ZRANB3: variants seen among roughly 807,000 people sequenced by gnomAD.
ZRANB3 encodes the protein zinc finger RANBP2-type containing 3, also known as DNA annealing helicase and endonuclease ZRANB3.
ZRANB3 carries 125 observed loss-of-function variants against 133.8 expected under a neutral mutation model. That is an observed-to-expected ratio of 0.93 (90% CI 0.81 to 1.08). The LOEUF (loss-of-function observed/expected upper bound fraction) is 1.08. Ranked by LOEUF, ZRANB3 falls within the 50% of genes least tolerant of loss-of-function variation. The probability of loss-of-function intolerance (pLI) is 0.00; values close to 1 mark genes in which losing one functional copy is unlikely to be tolerated. For synonymous variants in ZRANB3, 387 were observed against 432.7 expected, an observed-to-expected ratio of 0.89 and a Z score of 1.31; for missense variants, 1,229 against 1,275.5, an observed-to-expected ratio of 0.96 and a Z score of 0.56.
At chr2:135,414,726 T>TA (rs1453472271) in intron 2 of ZRANB3, among the ~76,000 whole-genome samples, 6 of 152,032 alleles carry the variant, frequency 3.9e-5, no homozygotes, top group African/African-American at 1.4e-4. Flanking sequence ...TCAGCAAATG[T>TA]AAAAGAACAG....
intron 6 of ZRANB3, among the ~76,000 whole-genome samples, chr2:135,335,245 A>G (rs1468358804): frequency 1.3e-5 from 2 of 152,178 alleles, no homozygotes; most frequent in Non-Finnish European, 2.9e-5. Context: ...TCAATGACAA[A>G]TAACATTTTA....
intron 15 of ZRANB3, among the ~76,000 whole-genome samples, chr2:135,224,136 C>T (rs1015968933): frequency 1.3e-5 from 2 of 152,052 alleles, no homozygotes; most frequent in African/African-American, 4.8e-5. Flanking sequence ...ATGGGGTATA[C>T]CACATTTTAC....
At chr2:135,241,825 T>C (rs1414949068) in intron 12 of ZRANB3, among the ~76,000 whole-genome samples, 2 of 152,088 alleles carry the variant, frequency 1.3e-5, no homozygotes, top group African/African-American at 4.8e-5. Context: ...CTTTTAGAAA[T>C]GTATGAGAAC....
intron 5 of ZRANB3, among the ~76,000 whole-genome samples, chr2:135,348,723 TA>T (rs1398442654): frequency 1.3e-5 from 2 of 151,958 alleles, no homozygotes; most frequent in Admixed American, 6.6e-5. Context: ...GCCTCCCGGG[TA>T]GCTAAACTAC....
At chr2:135,381,740 A>G (rs1316944260) in intron 3 of ZRANB3, among the ~76,000 whole-genome samples, 1 of 152,202 alleles carries the variant, frequency 6.6e-6, no homozygotes, top group Non-Finnish European at 1.5e-5. Context: ...ACCAGTCTGG[A>G]GTGGACCTCC....
intron 8 of ZRANB3, among the ~76,000 whole-genome samples, chr2:135,299,202 G>A (rs551619678): frequency 9.2e-5 from 14 of 152,250 alleles, no homozygotes; most frequent in African/African-American, 3.4e-4. Context: ...GGCTTGGAGT[G>A]TGGTTCTCAG....
intron 3 of ZRANB3, among the ~76,000 whole-genome samples, chr2:135,356,891 G>A (rs1685462140): frequency 6.6e-6 from 1 of 151,826 alleles, no homozygotes; most frequent in Non-Finnish European, 1.5e-5. Context: ...TACTTTTTGG[G>A]CAGGCTGGTC....
chr2:135,295,345 C>T (rs1043949482), intron 8 of ZRANB3, among the ~76,000 whole-genome samples: 3 of 152,054 alleles, frequency 2.0e-5, no homozygotes, highest in African/African-American at 4.8e-5. Flanking sequence ...CCTTCTTTGT[C>T]TCTTTTGATC....
chr2:135,297,241 G>A lies in ZRANB3; in HGVS notation c.966+16248C>T, dbSNP rs539430115. On this transcript the variant is annotated intron_variant, in intron 8 of 20. Transcript: ENST00000264159. ...GGGCTCCACCGAGTTCGAGCTTCCC[G>A]GCCACTTTGTTTACCTACTGAAGCC... 1.6e-3 allele frequency among the ~76,000 whole-genome samples: 242 copies of A among 152,276 alleles called. 1 individual carries two copies. Among genetic ancestry groups the A allele is most frequent in the African/African-American group, 4.2e-3 (173 of 41,562 alleles).
chr2:135,519,263 G>A (rs893631702), intron 1 of ZRANB3, among the ~76,000 whole-genome samples: 1 of 152,014 alleles, frequency 6.6e-6, no homozygotes, highest in Admixed American at 6.6e-5. Flanking sequence ...CTAGGGAAAG[G>A]TCCACAGTAT....
intron 1 of ZRANB3, among the ~76,000 whole-genome samples, chr2:135,512,303 A>T (rs1401047158): frequency 6.6e-6 from 1 of 152,210 alleles, no homozygotes. Flanking sequence ...GAATTCACTG[A>T]CTCATTTAAG....
At chr2:135,526,825 T>G (rs946686566) in intron 1 of ZRANB3, among the ~76,000 whole-genome samples, 2 of 152,220 alleles carry the variant, frequency 1.3e-5, no homozygotes, top group African/African-American at 4.8e-5. Flanking sequence ...CTCTGAAGTC[T>G]GCTATCTAAG....
intron 3 of ZRANB3, among the ~76,000 whole-genome samples, chr2:135,386,594 A>C (rs1479756788): frequency 6.6e-6 from 1 of 152,184 alleles, no homozygotes; most frequent in Non-Finnish European, 1.5e-5. Context: ...AACCAACCCA[A>C]ATGTCCATCA....
chr2:135,229,557 C>T (rs1182556802), intron 13 of ZRANB3, among the ~76,000 whole-genome samples: 7 of 151,698 alleles, frequency 4.6e-5, no homozygotes, highest in African/African-American at 7.3e-5. Flanking sequence ...TTAGTAGAGA[C>T]GGGGTTTCAC....
At chr2:135,429,914 G>T (rs531515347) in intron 2 of ZRANB3, among the ~76,000 whole-genome samples, 1 of 152,206 alleles carries the variant, frequency 6.6e-6, no homozygotes, top group Non-Finnish European at 1.5e-5. Flanking sequence ...TGGGCCTGGT[G>T]TCTTATGTCT....
At position 135,504,403 on chromosome 2, in the gene ZRANB3, C is replaced by CA; in HGVS notation, c.86dup (p.Leu29PhefsTer3). 6.2e-7 allele frequency: 1 copy of CA among 1,613,386 alleles called. No homozygotes were observed. The highest frequency in any genetic ancestry group is 8.5e-7 in the Non-Finnish European group (1 of 1,179,680). ...GTAGCTTTGCTCTTAGTCTGTCAGG[C>CA]AAAAAATCCAGCAGATTATCAGATT... On this transcript the variant is annotated frameshift_variant, in exon 2 of 21. Coordinates refer to ENST00000264159, the MANE Select transcript of ZRANB3 (RefSeq NM_032143.4). LOFTEE classifies it high-confidence loss of function.
At chr2:135,261,581 A>C (rs1189640302) in intron 12 of ZRANB3, among the ~76,000 whole-genome samples, 1 of 152,242 alleles carries the variant, frequency 6.6e-6, no homozygotes, top group East Asian at 1.9e-4. Flanking sequence ...ACACATACCT[A>C]ACTCAAGAAA....
chr2:135,426,768 C>G (rs1271129215), intron 2 of ZRANB3, among the ~76,000 whole-genome samples: 8 of 131,324 alleles, frequency 6.1e-5, no homozygotes, highest in Admixed American at 3.3e-4. Flanking sequence ...GGAGGCGGAG[C>G]TTGCAGCGAG....
intron 12 of ZRANB3, among the ~76,000 whole-genome samples, chr2:135,233,919 A>C (rs1573725622): frequency 1.3e-5 from 2 of 152,240 alleles, no homozygotes; most frequent in East Asian, 3.8e-4. Context: ...CATCATAATG[A>C]CAGGATCAAA....
Sources: allele counts gnomAD v4.1 joint callset (sites outside exome capture counted in the v4.1 genomes callset), GRCh38; gene constraint gnomAD v4.1.1; transcripts MANE v1.5; gene names NCBI Gene and HGNC (gene_info 2026-07-23, HGNC 2026-07-21).